The following ICE2 variants were observed in gnomAD, a reference collection of about 807,000 sequenced individuals.
ICE2 encodes interactor of little elongation complex ELL subunit 2.
In ICE2, 87 loss-of-function variants were observed where a neutral mutation model predicts 105.4. That is an observed-to-expected ratio of 0.83 (90% CI 0.69 to 0.99). ICE2 has a LOEUF of 0.99. ICE2 is among the 50% of genes least tolerant of loss of function. ICE2 has a pLI of 0.00. For synonymous variants in ICE2, 399 were observed against 392.0 expected, an observed-to-expected ratio of 1.02 and a Z score of -0.21; for missense variants, 1,323 against 1,146.7, an observed-to-expected ratio of 1.15 and a Z score of -2.22.
chr15:60,428,855 A>T (rs2140992780), intron 14 of ICE2, among the ~76,000 whole-genome samples, 168 bp from the exon 15 acceptor site: 1 of 152,332 alleles, frequency 6.6e-6, no homozygotes, highest in East Asian at 1.9e-4. Flanking sequence ...AACTATTTTT[A>T]TGCTTTTTAG....
intron 5 of ICE2, among the ~76,000 whole-genome samples, chr15:60,462,954 A>T (rs1198964803): frequency 6.6e-6 from 1 of 152,212 alleles, no homozygotes; most frequent in Non-Finnish European, 1.5e-5. Context: ...CCACTAAATG[A>T]TTTTCCAAAT....
chr15:60,478,219 G>A (rs1045875146), intron 1 of ICE2, 150 bp from the exon 2 acceptor site: 3 of 557,358 alleles, frequency 5.4e-6, no homozygotes, highest in Non-Finnish European at 6.4e-6. Context: ...CTTTGTAGCA[G>A]AGCAGCAATG....
intron 13 of ICE2, 142 bp downstream of exon 13, chr15:60,436,001 A>T (rs1762239544): frequency 1.8e-5 from 8 of 434,648 alleles, no homozygotes; most frequent in Non-Finnish European, 3.3e-5. Flanking sequence ...AAAAGACAAA[A>T]CAAAACTGAG....
chr15:60,458,652 T>A (rs1302170631), intron 5 of ICE2, among the ~76,000 whole-genome samples: 1 of 152,132 alleles, frequency 6.6e-6, no homozygotes, highest in African/African-American at 2.4e-5. Flanking sequence ...CATAACAGCA[T>A]TATTCATAAC....
intron 5 of ICE2, among the ~76,000 whole-genome samples, chr15:60,457,557 T>C (rs1423123730): frequency 6.6e-6 from 1 of 152,202 alleles, no homozygotes; most frequent in Non-Finnish European, 1.5e-5. Flanking sequence ...TCTTTATGTA[T>C]TATCTTTATC....
At chr15:60,466,371 T>A (rs1226176720) in intron 5 of ICE2, among the ~76,000 whole-genome samples, 1 of 152,258 alleles carries the variant, frequency 6.6e-6, no homozygotes, top group Non-Finnish European at 1.5e-5. Flanking sequence ...ATACAGTAGC[T>A]GGATTGTTAA....
At chr15:60,463,881 C>T (rs1325357632) in intron 5 of ICE2, among the ~76,000 whole-genome samples, 1 of 152,166 alleles carries the variant, frequency 6.6e-6, no homozygotes, top group East Asian at 1.9e-4. Flanking sequence ...AGCTGGGACA[C>T]TGATTATTCA....
Position 60,422,804 on chromosome 15 carries a change from A to C in ICE2, c.*830T>G, listed in dbSNP as rs1595728269. On this transcript the variant is annotated 3_prime_UTR_variant, in exon 16 of 16. Coordinates refer to ENST00000261520, the MANE Select transcript of ICE2 (RefSeq NM_024611.6). Reference sequence around the variant, plus strand: ...TGGTGAGCTGAGATCATGCCACTGCACTCCAGCCTGGGCAACAGAGCGAGA... The same window carrying C: ...TGGTGAGCTGAGATCATGCCACTGCCCTCCAGCCTGGGCAACAGAGCGAGA... 6.6e-6 allele frequency: 1 copy of C among 150,844 alleles called. No individual in the cohort carries two copies. Among genetic ancestry groups the C allele is most frequent in the Non-Finnish European group, 1.5e-5 (1 of 68,082 alleles). The allele number at this position is 150,844 out of a possible 1,614,324, so 9.3% of individuals were successfully genotyped here. A position where few individuals can be genotyped will look rare whatever the true frequency, so the allele number is the denominator to read the frequency against.
Position 60,448,106 on chromosome 15 carries a change from G to A in ICE2, c.2159C>T (p.Ser720Leu), listed in dbSNP as rs374373109. ...YELQDYVEDT[S>L]EYLAPQEGNF... The stretch of plus-strand genomic sequence containing the variant: ...TCCTTCCTGAGGAGCTAGGTATTCC[G>A]ATGTATCTTCAACATAGTCCTGAAG... Residue 720 changes from serine to leucine, a missense_variant, in exon 11 of 16, where the codon TCG becomes TTG. By Grantham distance (145) the Ser-to-Leu change is moderately radical. Transcript: ENST00000261520. The A allele has an allele frequency of 2.1e-5, 34 of 1,612,276 alleles. 1 individual carries two copies. Among genetic ancestry groups the A allele is most frequent in the South Asian group, 2.2e-5 (2 of 91,008 alleles).
At chr15:60,463,529 T>C (rs2064336633) in intron 5 of ICE2, among the ~76,000 whole-genome samples, 1 of 152,154 alleles carries the variant, frequency 6.6e-6, no homozygotes, top group South Asian at 2.1e-4. Flanking sequence ...AACCAGCACT[T>C]TGGGAGGCCG....
intron 12 of ICE2, chr15:60,442,027 G>T (rs575400902): frequency 6.4e-6 from 1 of 157,214 alleles, no homozygotes; most frequent in East Asian, 1.9e-4. Context: ...CAGCATGGTA[G>T]GTCATCCCTG....
intron 6 of ICE2, 73 bp downstream of exon 6, chr15:60,456,584 T>TAAACACACAC: frequency 5.2e-6 from 1 of 192,022 alleles, no homozygotes; most frequent in Non-Finnish European, 9.7e-6. Flanking sequence ...TATATATATA[T>TAAACACACAC]ACACACACAC....
intron 15 of ICE2, among the ~76,000 whole-genome samples, chr15:60,426,488 G>T (rs2063340756): frequency 6.6e-6 from 1 of 152,094 alleles, no homozygotes; most frequent in African/African-American, 2.4e-5. Flanking sequence ...GCCTAGTGCT[G>T]CATTTCTCAG....
At chr15:60,449,901 T>A in intron 9 of ICE2, 60 bp from the exon 10 acceptor site, 1 of 1,187,152 alleles carries the variant, frequency 8.4e-7, no homozygotes, top group East Asian at 2.3e-5. Flanking sequence ...ACCTATCTCT[T>A]AATGTCCCTA....
chr15:60,456,208 T>A (rs1019519490), intron 6 of ICE2, among the ~76,000 whole-genome samples: 42 of 137,392 alleles, frequency 3.1e-4, no homozygotes, highest in South Asian at 7.6e-4. Context: ...TTACATATTT[T>A]AAAAGTTATC....
At position 60,453,799 on chromosome 15, in the gene ICE2, C is replaced by A; in HGVS notation, c.944-15G>T. 1 of 1,534,552 alleles carries A rather than the reference C, an allele frequency of 6.5e-7. No individual in the cohort carries two copies. The highest frequency in any genetic ancestry group is 1.1e-5 in the South Asian group (1 of 87,196). On this transcript the variant is annotated splice_polypyrimidine_tract_variant and intron_variant, in intron 8 of 15. Coordinates refer to ENST00000261520, the MANE Select transcript of ICE2 (RefSeq NM_024611.6). Reference sequence around the variant, plus strand: ...TGGTTTTGAACCTTAAAACAGAAACCAAAGAAAAGAGGTGATTAGTATCTA... The same window carrying A: ...TGGTTTTGAACCTTAAAACAGAAACAAAAGAAAAGAGGTGATTAGTATCTA...
chr15:60,447,894 C>T, intron 11 of ICE2, 76 bp downstream of exon 11: 1 of 1,236,384 alleles, frequency 8.1e-7, no homozygotes, highest in Non-Finnish European at 1.1e-6. Context: ...ACAATTTAAA[C>T]TTCACAGTAA....
intron 9 of ICE2, 23 bp from the exon 10 acceptor site, chr15:60,449,864 G>T (rs1869484): frequency 0.58 from 910,375 of 1,570,158 alleles, 272,473 homozygotes; most frequent in East Asian, 0.85. Context: ...AATTGGTAAA[G>T]TATTAGTAAA....
intron 3 of ICE2, among the ~76,000 whole-genome samples, chr15:60,475,182 A>G (rs2141174259): frequency 6.6e-6 from 1 of 152,358 alleles, no homozygotes; most frequent in Non-Finnish European, 1.5e-5. Context: ...ACATTTTTCT[A>G]GTAAACTCAA....
Sources: gnomAD v4.1 joint callset for allele counts (sites outside exome capture counted in the v4.1 genomes callset) on GRCh38, gnomAD v4.1.1 for gene constraint, MANE v1.5 for transcripts, NCBI Gene and HGNC (gene_info 2026-07-23, HGNC 2026-07-21) for gene names.